WDR7: variants seen among roughly 807,000 people sequenced by gnomAD.
WDR7 encodes the protein WD repeat-containing protein 7.
In WDR7, 46 loss-of-function variants were observed where a neutral mutation model predicts 169.4. The observed-to-expected ratio is 0.27, with a 90% CI of 0.21 to 0.35. The LOEUF (loss-of-function observed/expected upper bound fraction) is 0.35. Among genes scored for constraint, WDR7 ranks in the 10% least tolerant of loss-of-function variants. The pLI, the probability that WDR7 is intolerant of heterozygous loss-of-function variation, is 1.00. For missense variants in WDR7, 1,534 were observed against 1,859.3 expected (o/e 0.83, Z 3.22); for synonymous variants, 612 against 666.8 (o/e 0.92, Z 1.27).
intron 25 of WDR7, among the ~76,000 whole-genome samples, chr18:56,945,782 A>C (rs1349115071): frequency 6.6e-6 from 1 of 152,152 alleles, no homozygotes; most frequent in Non-Finnish European, 1.5e-5. Flanking sequence ...GGTGATTCTT[A>C]TGAACACTAA....
intron 20 of WDR7, among the ~76,000 whole-genome samples, chr18:56,848,163 C>G (rs1013257891): frequency 1.3e-5 from 2 of 152,222 alleles, no homozygotes; most frequent in Non-Finnish European, 2.9e-5. Flanking sequence ...CTACCCCTTG[C>G]ACAGTGTGTC....
rs540087910 is a variant in WDR7 at position 56,659,427 on chromosome 18, C to T, written c.-20+7851C>T. 5.3e-5 allele frequency among the ~76,000 whole-genome samples: 8 copies of T among 152,188 alleles called. No homozygotes were observed. In the South Asian group the frequency reaches 1.7e-3, roughly 32 times the overall value. Reference sequence around the variant, plus strand: ...TTCTATGTGGAAGGAATTTTAGGCACTGGGAATACAATAGAGAAGAAACCA... The same window carrying T: ...TTCTATGTGGAAGGAATTTTAGGCATTGGGAATACAATAGAGAAGAAACCA... On this transcript the variant is annotated intron_variant, in intron 1 of 27. Transcript: ENST00000254442.
chr18:56,670,654 G>T (rs1377076756), intron 1 of WDR7, among the ~76,000 whole-genome samples: 1 of 152,044 alleles, frequency 6.6e-6, no homozygotes, highest in Non-Finnish European at 1.5e-5. Context: ...GGGACTACAG[G>T]CACCCACCAC....
At position 57,029,508 on chromosome 18, in the gene WDR7, T is replaced by C. The variant is rs2048417375; in HGVS notation, c.*2301T>C. 1 of 152,204 alleles carries C rather than the reference T, an allele frequency of 6.6e-6. No homozygotes were observed. Among genetic ancestry groups the C allele is most frequent in the Non-Finnish European group, 1.5e-5 (1 of 68,030 alleles). The allele number at this position is 152,204 out of a possible 1,614,324, so 9.4% of individuals were successfully genotyped here. A position where few individuals can be genotyped will look rare whatever the true frequency, so the allele number is the denominator to read the frequency against. On this transcript the variant is annotated 3_prime_UTR_variant, in exon 28 of 28. Transcript: ENST00000254442. The stretch of plus-strand genomic sequence containing the variant: ...CAGCACTGAGGTAAACTCTGCATTG[T>C]CATCCCAGCGTACACCTTTAATGTT...
chr18:56,849,340 T>C (rs1176906158), intron 20 of WDR7, among the ~76,000 whole-genome samples: 1 of 152,230 alleles, frequency 6.6e-6, no homozygotes, highest in Non-Finnish European at 1.5e-5. Context: ...CATGGTTCTT[T>C]TGCATTCCTT....
chr18:56,771,949 A>G (rs1006712911), intron 16 of WDR7, among the ~76,000 whole-genome samples: 2 of 150,232 alleles, frequency 1.3e-5, no homozygotes, highest in African/African-American at 4.9e-5. Context: ...AGTCCCAGCT[A>G]CTCAGGTTGC....
At chr18:56,947,373 G>A (rs2047120259) in intron 25 of WDR7, among the ~76,000 whole-genome samples, 1 of 152,120 alleles carries the variant, frequency 6.6e-6, no homozygotes, top group Non-Finnish European at 1.5e-5. Context: ...GCATCATCTA[G>A]CACTCTAGAT....
At chr18:56,997,914 C>T (rs2047921010) in intron 26 of WDR7, among the ~76,000 whole-genome samples, 1 of 152,104 alleles carries the variant, frequency 6.6e-6, no homozygotes, top group South Asian at 2.1e-4. Flanking sequence ...GTGTATGTGT[C>T]TGTGTTATAA....
chr18:57,011,941 T>C (rs1446335785), intron 26 of WDR7, among the ~76,000 whole-genome samples: 1 of 152,202 alleles, frequency 6.6e-6, no homozygotes, highest in Non-Finnish European at 1.5e-5. Flanking sequence ...AAAGTGCTTA[T>C]TTATGGTCCT....
intron 20 of WDR7, among the ~76,000 whole-genome samples, chr18:56,871,005 T>C (rs2045944959): frequency 6.6e-6 from 1 of 152,198 alleles, no homozygotes; most frequent in Non-Finnish European, 1.5e-5. Flanking sequence ...ACATTTAAAA[T>C]ATCCTTGGGA....
In WDR7 at chr18:56,702,520, C is replaced by A. The variant is rs558079244; in HGVS notation, c.1578+6058C>A. ...ACACTAATCACCCAGTATAATATTG[C>A]CAACTTATTGAATTGTGGTGATATT... On this transcript the variant is annotated intron_variant, in intron 12 of 27. Coordinates refer to ENST00000254442, the MANE Select transcript of WDR7 (RefSeq NM_015285.3). Among the ~76,000 whole-genome samples the A allele has an allele frequency of 3.9e-5, 6 of 152,272 alleles. No individual in the cohort carries two copies. The South Asian group carries it at 1.0e-3, about 26-fold the overall frequency.
At chr18:56,907,450 A>T (rs1045251049) in intron 21 of WDR7, among the ~76,000 whole-genome samples, 3 of 152,282 alleles carry the variant, frequency 2.0e-5, no homozygotes, top group African/African-American at 4.8e-5. Flanking sequence ...ACGTGCCGTG[A>T]CGCTTGGCTC....
At chr18:56,996,943 A>G (rs2047906931) in intron 26 of WDR7, among the ~76,000 whole-genome samples, 2 of 152,234 alleles carry the variant, frequency 1.3e-5, no homozygotes, top group African/African-American at 4.8e-5. Flanking sequence ...ACCTGCAAAT[A>G]TACTAAGAAG....
chr18:56,799,854 G>A (rs1258289144), intron 19 of WDR7, among the ~76,000 whole-genome samples: 1 of 152,100 alleles, frequency 6.6e-6, no homozygotes, highest in Admixed American at 6.6e-5. Context: ...TTTATTGCTG[G>A]CATTCTCTGT....
intron 1 of WDR7, among the ~76,000 whole-genome samples, chr18:56,658,008 GGT>G (rs1279401176): frequency 6.6e-6 from 1 of 151,934 alleles, no homozygotes; most frequent in Admixed American, 6.6e-5. Flanking sequence ...TTAGGGCACT[GGT>G]CAGTTTAGGG....
At chr18:56,983,243 A>AT (rs1339208364) in intron 26 of WDR7, among the ~76,000 whole-genome samples, 5 of 152,108 alleles carry the variant, frequency 3.3e-5, no homozygotes, top group African/African-American at 9.7e-5. Context: ...AAAGGTTCCT[A>AT]TTTTTTACTA....
chr18:56,916,736 G>T (rs897028844), intron 21 of WDR7, among the ~76,000 whole-genome samples: 3 of 152,116 alleles, frequency 2.0e-5, no homozygotes, highest in African/African-American at 7.2e-5. Flanking sequence ...TACACCACTG[G>T]CATTTTACTG....
chr18:56,817,348 A>T (rs555018423), intron 20 of WDR7, among the ~76,000 whole-genome samples: 2 of 151,744 alleles, frequency 1.3e-5, no homozygotes, highest in South Asian at 4.1e-4. Context: ...TGTCTCAAAA[A>T]AAAAAAAAAA....
intron 19 of WDR7, among the ~76,000 whole-genome samples, chr18:56,791,821 G>T (rs1376435489): frequency 6.6e-6 from 1 of 152,150 alleles, no homozygotes; most frequent in African/African-American, 2.4e-5. Flanking sequence ...TCACTACCCA[G>T]TCTTGTGGCG....
Sources: allele counts gnomAD v4.1 joint callset (sites outside exome capture counted in the v4.1 genomes callset), GRCh38; gene constraint gnomAD v4.1.1; transcripts MANE v1.5; gene names NCBI Gene and HGNC (gene_info 2026-07-23, HGNC 2026-07-21).